Variants in GTF2E1 observed in about 807,000 individuals in gnomAD.
GTF2E1 encodes general transcription factor IIE subunit 1.
A neutral mutation model predicts 34.9 loss-of-function variants in GTF2E1; 14 were observed. The ratio of observed to expected loss-of-function variants is 0.40; its 90% CI spans 0.27 to 0.63. The LOEUF is 0.63. Among genes scored for constraint, GTF2E1 ranks in the 20% least tolerant of loss-of-function variants. GTF2E1 has a pLI of 0.39. For missense variants in GTF2E1, 469 were observed against 557.7 expected, an observed-to-expected ratio of 0.84 and a Z score of 1.60; for synonymous variants, 188 against 192.9, an observed-to-expected ratio of 0.97 and a Z score of 0.21.
At position 120,763,395 on chromosome 3, in the gene GTF2E1, TG is replaced by T. The variant is rs375886738; in HGVS notation, c.449-7327del. Among the ~76,000 whole-genome samples the T allele has an allele frequency of 1.6e-3, 238 of 152,282 alleles. 1 individual carries two copies. The highest frequency in any genetic ancestry group is 5.7e-3 in the African/African-American group (235 of 41,560). ...AGGAAGGACAAACTAAATTGAATTT[TG>T]GGGGGTGGTTTTATGTATTTCATAA... is the stretch of plus-strand genomic sequence containing the variant. On this transcript the variant is annotated intron_variant, in intron 2 of 4. Transcript: ENST00000283875.
At chr3:120,778,699 C>T (rs1709421364) in intron 4 of GTF2E1, among the ~76,000 whole-genome samples, 1 of 152,112 alleles carries the variant, frequency 6.6e-6, no homozygotes, top group Non-Finnish European at 1.5e-5. Flanking sequence ...TTTCCAGTAT[C>T]TTTCTGGTTT....
At chr3:120,770,342 C>A (rs920328458) in intron 2 of GTF2E1, among the ~76,000 whole-genome samples, 12 of 152,048 alleles carry the variant, frequency 7.9e-5, no homozygotes, top group African/African-American at 2.9e-4. Context: ...TTGGCTTTCC[C>A]CATAACGTAG....
At chr3:120,743,908 A>G (rs1428258078) in intron 1 of GTF2E1, among the ~76,000 whole-genome samples, 1 of 152,126 alleles carries the variant, frequency 6.6e-6, no homozygotes, top group Non-Finnish European at 1.5e-5. Context: ...TTAAATGTTG[A>G]TATGATTAAA....
intron 3 of GTF2E1, 130 bp from the exon 4 acceptor site, chr3:120,776,293 C>T: frequency 1.3e-6 from 1 of 771,962 alleles, no homozygotes; most frequent in South Asian, 1.7e-5. Context: ...ATTGTTAAAG[C>T]ATGTGTGCAT....
chr3:120,744,017 C>T (rs960553854), intron 1 of GTF2E1, among the ~76,000 whole-genome samples: 3 of 152,074 alleles, frequency 2.0e-5, no homozygotes, highest in South Asian at 2.1e-4. Context: ...GGAGGTCCCA[C>T]GCTCAGAAGT....
At chr3:120,760,339 G>A (rs1043827271) in intron 2 of GTF2E1, among the ~76,000 whole-genome samples, 2 of 152,164 alleles carry the variant, frequency 1.3e-5, no homozygotes, top group Non-Finnish European at 2.9e-5. Flanking sequence ...CTGAAACGAT[G>A]GAGTTTTCTA....
In GTF2E1 at chr3:120,750,564, A is replaced by G. The variant is rs759852820; in HGVS notation, c.12A>G (p.Pro4=). MAD[P]DVLTEVPAAL... is the part of the protein sequence containing the mutation. ...GTTCGTTGCTAAAGATGGCAGACCC[A>G]GATGTCCTCACTGAAGTTCCAGCAG... is the stretch of plus-strand genomic sequence containing the variant. The change falls in exon 2 of 5, where the codon CCA becomes CCG. Residue 4 remains proline (P), a synonymous_variant. Coordinates refer to ENST00000283875, the MANE Select transcript of GTF2E1 (RefSeq NM_005513.3). The G allele has an allele frequency of 6.2e-7, 1 of 1,610,372 alleles. No individual in the cohort carries two copies. The highest frequency in any genetic ancestry group is 8.5e-7 in the Non-Finnish European group (1 of 1,176,712).
At chr3:120,752,178 T>G (rs1393262582) in intron 2 of GTF2E1, among the ~76,000 whole-genome samples, 1 of 152,206 alleles carries the variant, frequency 6.6e-6, no homozygotes, top group Non-Finnish European at 1.5e-5. Context: ...TTAATTTGTC[T>G]GAGCCGAGCT....
chr3:120,748,464 C>CG (rs1709128995), intron 1 of GTF2E1, among the ~76,000 whole-genome samples: 1 of 152,202 alleles, frequency 6.6e-6, no homozygotes, highest in South Asian at 2.1e-4. Flanking sequence ...CAGCTTTCTC[C>CG]ATGTGGCTAG....
At chr3:120,742,950 A>C (rs1360667556) in intron 1 of GTF2E1, 156 bp downstream of exon 1, 1 of 196,196 alleles carries the variant, frequency 5.1e-6, no homozygotes, top group Non-Finnish European at 1.1e-5. Flanking sequence ...TTGACCCCGG[A>C]GCGGCCCGTG....
chr3:120,744,782 TAA>T (rs962062199), intron 1 of GTF2E1, among the ~76,000 whole-genome samples: 6 of 152,194 alleles, frequency 3.9e-5, no homozygotes, highest in African/African-American at 1.4e-4. Flanking sequence ...CATATTGGTA[TAA>T]GAGTCATTTT....
At chr3:120,744,136 A>G (rs1043198499) in intron 1 of GTF2E1, among the ~76,000 whole-genome samples, 2 of 152,128 alleles carry the variant, frequency 1.3e-5, no homozygotes, top group African/African-American at 2.4e-5. Context: ...GATATTTCCA[A>G]TTTTGCAAGA....
At position 120,781,962 on chromosome 3, in the gene GTF2E1, C is replaced by G. The variant is rs763397203; in HGVS notation, c.*492C>G. Reference sequence around the variant, plus strand: ...ATCTCCTGACCTCATGATCCACCCGCCTCGGCCTCCCAAAGTGCTGTATTT... The same window carrying G: ...ATCTCCTGACCTCATGATCCACCCGGCTCGGCCTCCCAAAGTGCTGTATTT... On this transcript the variant is annotated 3_prime_UTR_variant, in exon 5 of 5. Coordinates refer to ENST00000283875, the MANE Select transcript of GTF2E1 (RefSeq NM_005513.3). 1 of 153,504 alleles carries G rather than the reference C, an allele frequency of 6.5e-6. No individual in the cohort carries two copies. Among genetic ancestry groups the G allele is most frequent in the African/African-American group, 2.4e-5 (1 of 41,402 alleles). 9.5% of individuals were successfully genotyped at this position (153,504 alleles called of 1,614,324 possible). A position where few individuals can be genotyped will look rare whatever the true frequency, so the allele number is the denominator to read the frequency against.
intron 4 of GTF2E1, among the ~76,000 whole-genome samples, chr3:120,779,238 C>G (rs1266469032): frequency 6.6e-6 from 1 of 152,144 alleles, no homozygotes; most frequent in African/African-American, 2.4e-5. Flanking sequence ...TTCTTTTTCC[C>G]TAATTTAATA....
chr3:120,777,330 G>T (rs1709409965), intron 4 of GTF2E1, among the ~76,000 whole-genome samples: 1 of 152,146 alleles, frequency 6.6e-6, no homozygotes, highest in Non-Finnish European at 1.5e-5. Context: ...GAAAATGGGA[G>T]GCAAAAATGG....
At position 120,750,890 on chromosome 3, in the gene GTF2E1, G is replaced by A. The variant is rs757204743; in HGVS notation, c.338G>A (p.Arg113Lys). Residue 113 changes from arginine (R) to lysine (K), a missense_variant, in exon 2 of 5, where the codon AGA becomes AAA. Arg to Lys is a conservative substitution (Grantham distance 26, BLOSUM62 2). Transcript: ENST00000283875. ...VKYKLDHMRR[R>K]IETDERDSTN... ...TATAAACTGGACCACATGAGAAGAA[G>A]AATTGAGACCGATGAGAGAGATTCG... 26 of 1,613,834 alleles carry A rather than the reference G, an allele frequency of 1.6e-5. No individual in the cohort carries two copies. In the Admixed American group the frequency reaches 3.7e-4, roughly 23 times the overall value.
At chr3:120,774,384 G>A (rs998907985) in intron 3 of GTF2E1, among the ~76,000 whole-genome samples, 1 of 152,072 alleles carries the variant, frequency 6.6e-6, no homozygotes, top group Non-Finnish European at 1.5e-5. Flanking sequence ...TAAAGTGAAT[G>A]CTGAAGAAGA....
chr3:120,743,947 A>C (rs1035986436), intron 1 of GTF2E1, among the ~76,000 whole-genome samples: 1 of 152,024 alleles, frequency 6.6e-6, no homozygotes, highest in Non-Finnish European at 1.5e-5. Context: ...TGGGGTAGGG[A>C]GGTGAGGCTG....
intron 2 of GTF2E1, among the ~76,000 whole-genome samples, chr3:120,768,597 T>C (rs1172387258): frequency 1.3e-5 from 2 of 152,230 alleles, no homozygotes; most frequent in East Asian, 1.9e-4. Flanking sequence ...TTAGTTCTCA[T>C]TGACAGTCTC....
Sources: gnomAD v4.1 joint callset for allele counts (sites outside exome capture counted in the v4.1 genomes callset) on GRCh38, gnomAD v4.1.1 for gene constraint, MANE v1.5 for transcripts, NCBI Gene and HGNC (gene_info 2026-07-23, HGNC 2026-07-21) for gene names.